Variants in GRIN2A observed in about 807,000 individuals in gnomAD.
The protein encoded by GRIN2A is glutamate ionotropic receptor NMDA type subunit 2A, also known as glutamate receptor ionotropic, NMDA 2A.
In GRIN2A, 22 loss-of-function variants were observed where a neutral mutation model predicts 113.4. The observed-to-expected ratio is 0.19, with a 90% CI of 0.14 to 0.28. The LOEUF is 0.28. Among genes scored for constraint, GRIN2A ranks in the 10% least tolerant of loss-of-function variants. The probability of loss-of-function intolerance (pLI) is 1.00; values close to 1 mark genes in which losing one functional copy is unlikely to be tolerated. For missense variants in GRIN2A, 1,502 were observed against 1,887.0 expected (o/e 0.80, Z 3.78); for synonymous variants, 827 against 738.4 (o/e 1.12, Z -1.94).
At chr16:9,908,142 A>C (rs1043433681) in intron 3 of GRIN2A, among the ~76,000 whole-genome samples, 11 of 152,204 alleles carry the variant, frequency 7.2e-5, no homozygotes, top group Non-Finnish European at 1.2e-4. Flanking sequence ...ATGAAACTTG[A>C]CAGCACTATG....
chr16:9,946,682 A>G (rs2045025262), intron 2 of GRIN2A, among the ~76,000 whole-genome samples: 1 of 152,150 alleles, frequency 6.6e-6, no homozygotes, highest in African/African-American at 2.4e-5. Context: ...ACATTTCCTA[A>G]TCTGATCTAA....
At chr16:10,100,582 G>A (rs1596504864) in intron 2 of GRIN2A, among the ~76,000 whole-genome samples, 1 of 152,192 alleles carries the variant, frequency 6.6e-6, no homozygotes, top group African/African-American at 2.4e-5. Flanking sequence ...TTCAATAAAC[G>A]ATAGTCGTTG....
intron 2 of GRIN2A, among the ~76,000 whole-genome samples, chr16:10,084,744 CTTTATTTA>C (rs144403767): frequency 3.4e-5 from 5 of 147,024 alleles, no homozygotes; most frequent in African/African-American, 5.0e-5. Flanking sequence ...CCACCTGACA[CTTTATTTA>C]TTTATTTATT....
chr16:10,175,272 T>C (rs1291394532), intron 2 of GRIN2A, among the ~76,000 whole-genome samples: 2 of 152,182 alleles, frequency 1.3e-5, no homozygotes, highest in Admixed American at 1.3e-4. Context: ...CATATGCATG[T>C]ATATTCAGAA....
chr16:9,814,666 T>C (rs183215942), intron 10 of GRIN2A, among the ~76,000 whole-genome samples: 4 of 152,132 alleles, frequency 2.6e-5, no homozygotes, highest in African/African-American at 9.7e-5. Flanking sequence ...AATAGTCAAC[T>C]AACTAACCTC....
At chr16:10,145,458 G>A (rs150042043) in intron 2 of GRIN2A, among the ~76,000 whole-genome samples, 29 of 151,900 alleles carry the variant, frequency 1.9e-4, no homozygotes, top group African/African-American at 6.0e-4. Flanking sequence ...ATCAAATTAT[G>A]TATATTAAAC....
chr16:9,817,854 C>A (rs574308718), intron 10 of GRIN2A, among the ~76,000 whole-genome samples: 1 of 152,310 alleles, frequency 6.6e-6, no homozygotes, highest in African/African-American at 2.4e-5. Context: ...GACCCAGCAG[C>A]TGAGCCACAT....
chr16:10,063,211 GGAT>G (rs1297862417), intron 2 of GRIN2A, among the ~76,000 whole-genome samples: 2 of 152,084 alleles, frequency 1.3e-5, no homozygotes, highest in African/African-American at 4.8e-5. Context: ...TAGACACTGG[GGAT>G]GATGATAAGT....
At position 9,763,400 on chromosome 16, in the gene GRIN2A, A is replaced by G. The variant is rs777171195; in HGVS notation, c.4144T>C (p.Cys1382Arg). ...RDDQRLVIGR[C>R]PSDPYKHSLP... ...GAGTGTTTGTAAGGGTCCGAGGGGC[A>G]TCTCCCAATAACCAAGCGTTGGTCA... The change falls in exon 13 of 13, where the codon TGC becomes CGC. Residue 1382 changes from cysteine (C) to arginine (R), a missense_variant. By Grantham distance (180) the Cys-to-Arg change is radical. Around this residue, in one of 7 missense-constraint regions of GRIN2A, gnomAD observed 832 missense variants for 789.7 expected, o/e 1.05. Coordinates refer to ENST00000330684, the MANE Select transcript of GRIN2A (RefSeq NM_001134407.3). 7 of 1,614,146 alleles carry G rather than the reference A, an allele frequency of 4.3e-6. No individual in the cohort carries two copies. Among genetic ancestry groups the G allele is most frequent in the Non-Finnish European group, 5.1e-6 (6 of 1,180,002 alleles).
At chr16:9,953,874 T>C (rs1455996989) in intron 2 of GRIN2A, among the ~76,000 whole-genome samples, 1 of 151,990 alleles carries the variant, frequency 6.6e-6, no homozygotes, top group African/African-American at 2.4e-5. Flanking sequence ...CTCAGAGTGG[T>C]CCAGAGGAGT....
intron 2 of GRIN2A, among the ~76,000 whole-genome samples, chr16:9,965,204 T>A (rs1041539235): frequency 2.0e-5 from 3 of 152,194 alleles, no homozygotes; most frequent in Non-Finnish European, 4.4e-5. Context: ...GAACAAAGAC[T>A]GCAGGGTGTT....
At chr16:9,983,991 T>C (rs2045937532) in intron 2 of GRIN2A, among the ~76,000 whole-genome samples, 1 of 152,260 alleles carries the variant, frequency 6.6e-6, no homozygotes, top group African/African-American at 2.4e-5. Context: ...CCGTTTTTCA[T>C]AATGGCTGTT....
intron 3 of GRIN2A, among the ~76,000 whole-genome samples, chr16:9,936,797 A>G (rs2044723074): frequency 6.6e-6 from 1 of 152,202 alleles, no homozygotes; most frequent in South Asian, 2.1e-4. Context: ...GCAAAATCAA[A>G]CAGAGACCAG....
chr16:10,039,962 A>ACACCACACACAC (rs2047122314), intron 2 of GRIN2A, among the ~76,000 whole-genome samples: 1 of 137,034 alleles, frequency 7.3e-6, no homozygotes, highest in Non-Finnish European at 1.6e-5. Flanking sequence ...CACAACCCAC[A>ACACCACACACAC]AAAACACACA....
chr16:10,068,692 T>C (rs2047694670), intron 2 of GRIN2A, among the ~76,000 whole-genome samples: 1 of 152,150 alleles, frequency 6.6e-6, no homozygotes, highest in Non-Finnish European at 1.5e-5. Context: ...GATCATCTAA[T>C]GTATTGGGAG....
chr16:9,857,848 G>A (rs964608233), intron 4 of GRIN2A, among the ~76,000 whole-genome samples: 1 of 152,138 alleles, frequency 6.6e-6, no homozygotes, highest in African/African-American at 2.4e-5. Flanking sequence ...AGCTTTTCTC[G>A]ATACTAACTT....
chr16:9,970,837 G>A (rs2141736772), intron 2 of GRIN2A: 1 of 274,470 alleles, frequency 3.6e-6, no homozygotes, highest in Non-Finnish European at 5.6e-6. Flanking sequence ...ACTGGTTGGT[G>A]AGACAGACAA....
chr16:9,973,083 G>C (rs1431467613), intron 2 of GRIN2A, among the ~76,000 whole-genome samples: 1 of 152,160 alleles, frequency 6.6e-6, no homozygotes, highest in Non-Finnish European at 1.5e-5. Context: ...AATCTGGGTG[G>C]TGCTAACTGA....
chr16:9,868,698 C>T (rs1284439288), intron 4 of GRIN2A, among the ~76,000 whole-genome samples: 2 of 152,148 alleles, frequency 1.3e-5, no homozygotes, highest in African/African-American at 4.8e-5. Flanking sequence ...CTGGCCTCCT[C>T]CCCAGGCCTT....
Sources: allele counts gnomAD v4.1 joint callset (sites outside exome capture counted in the v4.1 genomes callset), GRCh38; gene constraint gnomAD v4.1.1; regional missense constraint gnomAD v4.1.1; transcripts MANE v1.5; gene names NCBI Gene and HGNC (gene_info 2026-07-23, HGNC 2026-07-21).